L3MBTL4: variants seen among roughly 807,000 people sequenced by gnomAD.
L3MBTL4 encodes the protein lethal(3)malignant brain tumor-like protein 4.
L3MBTL4 carries 70 observed loss-of-function variants against 84.5 expected under a neutral mutation model. That is an observed-to-expected ratio of 0.83 (90% CI 0.68 to 1.01). The LOEUF (loss-of-function observed/expected upper bound fraction) is 1.01. L3MBTL4 is among the 50% of genes least tolerant of loss of function. The probability of loss-of-function intolerance (pLI) is 0.00; values close to 1 mark genes in which losing one functional copy is unlikely to be tolerated. For synonymous variants in L3MBTL4, 274 were observed against 259.8 expected (o/e 1.05, Z -0.52); for missense variants, 715 against 754.8 (o/e 0.95, Z 0.62).
chr18:6,397,017 A>ATT (rs1285961919), intron 1 of L3MBTL4: 2 of 152,236 alleles, frequency 1.3e-5, no homozygotes, highest in Non-Finnish European at 2.9e-5. Flanking sequence ...AATTCTGAGA[A>ATT]ACTAAGCAAA....
At chr18:6,311,850 G>C (rs182434256) in intron 2 of L3MBTL4, 148 bp downstream of exon 2, 3 of 412,348 alleles carry the variant, frequency 7.3e-6, no homozygotes, top group Non-Finnish European at 1.3e-5. Context: ...AGGGCAATGC[G>C]TTTACTACCT....
intron 1 of L3MBTL4, among the ~76,000 whole-genome samples, chr18:6,325,547 T>C (rs77993129): frequency 0.04 from 6,113 of 152,276 alleles, 182 homozygotes; most frequent in East Asian, 0.18. Context: ...CTTAGATATA[T>C]ACGGCAAACT....
intron 16 of L3MBTL4, among the ~76,000 whole-genome samples, chr18:5,977,809 C>T (rs76748501): frequency 0.01 from 1,594 of 152,286 alleles, 23 homozygotes; most frequent in East Asian, 0.05. Flanking sequence ...GGCACAGACT[C>T]CTTGCCACCC....
chr18:6,015,166 T>C (rs2054908603), intron 16 of L3MBTL4, among the ~76,000 whole-genome samples: 1 of 152,100 alleles, frequency 6.6e-6, no homozygotes, highest in Admixed American at 6.5e-5. Context: ...TTCAAAGTAT[T>C]CTGCACAAAC....
intron 4 of L3MBTL4, among the ~76,000 whole-genome samples, chr18:6,281,826 G>A (rs539329053): frequency 6.6e-6 from 1 of 152,298 alleles, no homozygotes; most frequent in East Asian, 1.9e-4. Flanking sequence ...CCATGGTAAT[G>A]TAGTTATCAA....
At chr18:6,021,835 A>G (rs1033939992) in intron 16 of L3MBTL4, among the ~76,000 whole-genome samples, 2 of 151,882 alleles carry the variant, frequency 1.3e-5, no homozygotes, top group Non-Finnish European at 2.9e-5. Flanking sequence ...TCTCCTCTCC[A>G]AGGCACTTTC....
intron 16 of L3MBTL4, among the ~76,000 whole-genome samples, chr18:6,056,993 T>C (rs2057048282): frequency 6.6e-6 from 1 of 152,112 alleles, no homozygotes; most frequent in African/African-American, 2.4e-5. Flanking sequence ...AAACAGTTAT[T>C]TGATGCCACT....
At chr18:6,321,835 G>A (rs2051420291) in intron 1 of L3MBTL4, among the ~76,000 whole-genome samples, 1 of 152,050 alleles carries the variant, frequency 6.6e-6, no homozygotes, top group African/African-American at 2.4e-5. Flanking sequence ...CTTATAAGTG[G>A]TAGCCAAGCT....
At position 5,968,496 on chromosome 18, in the gene L3MBTL4, G is replaced by A. The variant is rs567352925; in HGVS notation, c.1614+897C>T. On this transcript the variant is annotated intron_variant, in intron 17 of 18. Transcript: ENST00000317931. ...GAGAACCGCTTGAGGCCAGGAGTTC[G>A]AGACTAGCATGGGCAACATAATGAG... Among the ~76,000 whole-genome samples the A allele has an allele frequency of 3.3e-5, 5 of 152,034 alleles. No homozygotes were observed. In the South Asian group the frequency reaches 6.3e-4, roughly 19 times the overall value.
At chr18:6,130,976 AAAAT>A (rs1443986245) in intron 14 of L3MBTL4, among the ~76,000 whole-genome samples, 9 of 152,336 alleles carry the variant, frequency 5.9e-5, no homozygotes, top group Admixed American at 1.3e-4. Context: ...AACAAAAACT[AAAAT>A]AAACTTGTCT....
intron 1 of L3MBTL4, among the ~76,000 whole-genome samples, chr18:6,357,783 G>T (rs2053513387): frequency 6.6e-6 from 1 of 152,152 alleles, no homozygotes; most frequent in East Asian, 1.9e-4. Flanking sequence ...CCTAAGCCTT[G>T]TGGATTATGT....
Position 6,311,634 on chromosome 18 carries a change from C to T in L3MBTL4, c.-9G>A. 1 of 1,612,354 alleles carries T rather than the reference C, an allele frequency of 6.2e-7. No homozygotes were observed. The highest frequency in any genetic ancestry group is 1.1e-5 in the South Asian group (1 of 91,052). Reference sequence around the variant, plus strand: ...CTGTTGGGCTGTTTCATTGCCACCCCCGCACTCCTTGGCAGTGGTTTTCTG... The same window carrying T: ...CTGTTGGGCTGTTTCATTGCCACCCTCGCACTCCTTGGCAGTGGTTTTCTG... On this transcript the variant is annotated 5_prime_UTR_variant, in exon 3 of 19. Coordinates refer to ENST00000317931, the MANE Select transcript of L3MBTL4 (RefSeq NM_001330559.2).
At chr18:6,102,434 C>T (rs2058864019) in intron 14 of L3MBTL4, among the ~76,000 whole-genome samples, 1 of 152,184 alleles carries the variant, frequency 6.6e-6, no homozygotes, top group Non-Finnish European at 1.5e-5. Flanking sequence ...TTAGCCATCC[C>T]AGGTCAACTT....
At chr18:6,110,755 G>C (rs2059171119) in intron 14 of L3MBTL4, among the ~76,000 whole-genome samples, 1 of 152,084 alleles carries the variant, frequency 6.6e-6, no homozygotes, top group Non-Finnish European at 1.5e-5. Context: ...GAGAGGACAT[G>C]GTCAATGACA....
intron 16 of L3MBTL4, 52 bp downstream of exon 16, chr18:6,080,829 T>C: frequency 7.6e-7 from 1 of 1,308,424 alleles, no homozygotes; most frequent in Middle Eastern, 2.6e-4. Flanking sequence ...AAATAAGACA[T>C]TCTGCACAAC....
At chr18:6,281,816 C>A (rs1423914895) in intron 4 of L3MBTL4, among the ~76,000 whole-genome samples, 1 of 152,128 alleles carries the variant, frequency 6.6e-6, no homozygotes, top group East Asian at 1.9e-4. Flanking sequence ...AAATAGCAAA[C>A]CATGGTAATG....
At chr18:6,038,443 A>G (rs1383863231) in intron 16 of L3MBTL4, among the ~76,000 whole-genome samples, 3 of 151,608 alleles carry the variant, frequency 2.0e-5, no homozygotes, top group Admixed American at 2.0e-4. Context: ...TTTAGTAGAG[A>G]CGGGGTTTCA....
In L3MBTL4 at chr18:6,133,333, T is replaced by TCACACACACACACACACACA. The variant is rs71699994; in HGVS notation, c.1199+4841_1199+4860dup. Among the ~76,000 whole-genome samples the TCACACACACACACACACACA allele has an allele frequency of 4.3e-3, 632 of 146,764 alleles. 5 individuals carry two copies. The highest frequency in any genetic ancestry group is 0.015 in the African/African-American group (596 of 39,784). ...CCATAGTGGGTGTTACAGCTCTAGA[T>TCACACACACACACACACACA]CACACACACACACACACACACACAC... On this transcript the variant is annotated intron_variant, in intron 14 of 18. Transcript: ENST00000317931.
Position 6,248,122 on chromosome 18 carries a change from C to A in L3MBTL4, c.220-3534G>T, listed in dbSNP as rs536437504. 3.3e-5 allele frequency among the ~76,000 whole-genome samples: 5 copies of A among 152,182 alleles called. 1 individual carries two copies. Among genetic ancestry groups the A allele is most frequent in the South Asian group, 4.1e-4 (2 of 4,828 alleles). On this transcript the variant is annotated intron_variant, in intron 5 of 18. Coordinates refer to ENST00000317931, the MANE Select transcript of L3MBTL4 (RefSeq NM_001330559.2). ...AGATATGTCTAAGACTAATCCCCCCCCAAAAGGTTTGTTCTGCCCTCCTGC... is the reference window on the plus strand; with the variant it reads ...AGATATGTCTAAGACTAATCCCCCCACAAAAGGTTTGTTCTGCCCTCCTGC...
Sources: gnomAD v4.1 joint callset for allele counts (sites outside exome capture counted in the v4.1 genomes callset) on GRCh38, gnomAD v4.1.1 for gene constraint, MANE v1.5 for transcripts, NCBI Gene and HGNC (gene_info 2026-07-23, HGNC 2026-07-21) for gene names.